ST6GALNAC3: variants seen among roughly 807,000 people sequenced by gnomAD.
The protein encoded by ST6GALNAC3 is ST6 N-acetylgalactosaminide alpha-2,6-sialyltransferase 3, also known as alpha-N-acetylgalactosaminide alpha-2,6-sialyltransferase 3.
ST6GALNAC3 carries 25 observed loss-of-function variants against 32.7 expected under a neutral mutation model. The ratio of observed to expected loss-of-function variants is 0.76; its 90% confidence interval spans 0.56 to 1.07. The LOEUF is 1.07. Among genes scored for constraint, ST6GALNAC3 ranks in the 50% least tolerant of loss-of-function variants. The pLI is 0.00. For missense variants in ST6GALNAC3, 355 were observed against 382.4 expected (o/e 0.93, Z 0.60); for synonymous variants, 129 against 133.1 (o/e 0.97, Z 0.21).
chr1:76,594,496 A>T (rs1647101194), intron 3 of ST6GALNAC3, among the ~76,000 whole-genome samples: 1 of 152,196 alleles, frequency 6.6e-6, no homozygotes, highest in South Asian at 2.1e-4. Context: ...GTGTGTTAAC[A>T]AATTTAACTG....
At chr1:76,573,247 C>T (rs1000112021) in intron 3 of ST6GALNAC3, among the ~76,000 whole-genome samples, 5 of 152,156 alleles carry the variant, frequency 3.3e-5, no homozygotes, top group African/African-American at 9.6e-5. Flanking sequence ...ACTACCTTTC[C>T]GGTCCTCTTA....
chr1:76,455,730 CTG>C (rs1392703518), intron 3 of ST6GALNAC3, among the ~76,000 whole-genome samples: 5 of 152,182 alleles, frequency 3.3e-5, no homozygotes, highest in Non-Finnish European at 7.3e-5. Flanking sequence ...AACCAGTACT[CTG>C]TTCCTCTTTT....
At chr1:76,142,362 C>T (rs958116769) in intron 1 of ST6GALNAC3, among the ~76,000 whole-genome samples, 1 of 152,208 alleles carries the variant, frequency 6.6e-6, no homozygotes, top group African/African-American at 2.4e-5. Context: ...CTCTGCTCCA[C>T]TGTGTCTTCC....
At chr1:76,315,120 A>G (rs894452051) in intron 2 of ST6GALNAC3, among the ~76,000 whole-genome samples, 7 of 152,148 alleles carry the variant, frequency 4.6e-5, no homozygotes, top group Non-Finnish European at 1.0e-4. Context: ...AAATTCTTAG[A>G]ATCTTTGATG....
At chr1:76,098,109 T>C (rs1647165409) in intron 1 of ST6GALNAC3, among the ~76,000 whole-genome samples, 1 of 152,192 alleles carries the variant, frequency 6.6e-6, no homozygotes, top group Non-Finnish European at 1.5e-5. Context: ...ATGAATTTAT[T>C]AATAAAAGTG....
intron 1 of ST6GALNAC3, among the ~76,000 whole-genome samples, chr1:76,116,767 C>T (rs1021084240): frequency 6.6e-6 from 1 of 152,128 alleles, no homozygotes; most frequent in East Asian, 1.9e-4. Context: ...CCCGTCTATA[C>T]TAAAAAATAC....
chr1:76,525,785 G>A (rs368815294), intron 3 of ST6GALNAC3, among the ~76,000 whole-genome samples: 1 of 73,530 alleles, frequency 1.4e-5, no homozygotes, highest in Non-Finnish European at 3.0e-5. Context: ...GTGTGTGTGT[G>A]TGTGTGTATA....
intron 1 of ST6GALNAC3, among the ~76,000 whole-genome samples, chr1:76,279,752 GCA>G (rs1659390374): frequency 6.6e-6 from 1 of 152,272 alleles, no homozygotes; most frequent in Non-Finnish European, 1.5e-5. Context: ...CCTATACCAG[GCA>G]CACTGGACCT....
chr1:76,447,850 C>T (rs912338396), intron 3 of ST6GALNAC3, among the ~76,000 whole-genome samples: 2 of 152,216 alleles, frequency 1.3e-5, no homozygotes, highest in African/African-American at 4.8e-5. Context: ...ACCTGGATGC[C>T]CAGGCAAAAG....
At chr1:76,430,219 C>T (rs1261719571) in intron 3 of ST6GALNAC3, among the ~76,000 whole-genome samples, 1 of 152,182 alleles carries the variant, frequency 6.6e-6, no homozygotes, top group African/African-American at 2.4e-5. Context: ...TCTATTCTCA[C>T]TGCTTTCCAT....
At chr1:76,206,325 C>A (rs58666595) in intron 1 of ST6GALNAC3, among the ~76,000 whole-genome samples, 1 of 152,212 alleles carries the variant, frequency 6.6e-6, no homozygotes, top group East Asian at 1.9e-4. Flanking sequence ...AGTGGGGGTG[C>A]GGAAAGAGTG....
chr1:76,228,631 C>T (rs1656202675), intron 1 of ST6GALNAC3, among the ~76,000 whole-genome samples: 1 of 152,110 alleles, frequency 6.6e-6, no homozygotes, highest in African/African-American at 2.4e-5. Context: ...AACTATTATG[C>T]CAGTCTTACA....
chr1:76,444,194 A>G (rs1656811566), intron 3 of ST6GALNAC3, among the ~76,000 whole-genome samples: 1 of 152,202 alleles, frequency 6.6e-6, no homozygotes, highest in Non-Finnish European at 1.5e-5. Context: ...GGTCTTCCAC[A>G]TTTATCTTTC....
intron 3 of ST6GALNAC3, among the ~76,000 whole-genome samples, chr1:76,611,980 C>T (rs2100670942): frequency 1.3e-5 from 2 of 152,280 alleles, no homozygotes; most frequent in South Asian, 4.2e-4. Context: ...TCCAACACCT[C>T]ACAGGGAAAT....
intron 1 of ST6GALNAC3, among the ~76,000 whole-genome samples, chr1:76,210,778 G>A (rs375996324): frequency 2.6e-5 from 4 of 151,970 alleles, no homozygotes; most frequent in East Asian, 3.9e-4. Context: ...ATAGGGTCTC[G>A]CTCTGTTGCC....
At chr1:76,284,792 C>T (rs2067914) in intron 1 of ST6GALNAC3, among the ~76,000 whole-genome samples, 72,355 of 151,824 alleles carry the variant, frequency 0.48, 17,516 homozygotes, top group African/African-American at 0.55. Flanking sequence ...TCTCCACAAG[C>T]AAAGGTGATC....
At chr1:76,445,928 G>T (rs116719564) in intron 3 of ST6GALNAC3, among the ~76,000 whole-genome samples, 1 of 151,910 alleles carries the variant, frequency 6.6e-6, no homozygotes, top group Admixed American at 6.6e-5. Flanking sequence ...CTTCTGTGCC[G>T]TTTCAATTTT....
chr1:76,572,940 GCTTGT>G (rs1224350353), intron 3 of ST6GALNAC3, among the ~76,000 whole-genome samples: 1 of 152,104 alleles, frequency 6.6e-6, no homozygotes, highest in Non-Finnish European at 1.5e-5. Context: ...AAATGAAATT[GCTTGT>G]CTTATCAGTT....
intron 3 of ST6GALNAC3, among the ~76,000 whole-genome samples, chr1:76,503,337 G>T (rs530611277): frequency 1.3e-5 from 2 of 152,184 alleles, no homozygotes; most frequent in African/African-American, 2.4e-5. Flanking sequence ...TAGCTCTGCC[G>T]CAGTCAGGCA....
Sources: allele counts gnomAD v4.1 joint callset (sites outside exome capture counted in the v4.1 genomes callset), GRCh38; gene constraint gnomAD v4.1.1; transcripts MANE v1.5; gene names NCBI Gene and HGNC (gene_info 2026-07-23, HGNC 2026-07-21).